The following MCTP1 variants were observed in gnomAD, a reference collection of about 807,000 sequenced individuals.
MCTP1 encodes the protein multiple C2 and transmembrane domain-containing protein 1.
Under a neutral mutation model 120.6 loss-of-function variants are expected in MCTP1, and 69 were observed. The observed-to-expected ratio is 0.57, with a 90% CI of 0.47 to 0.70. The LOEUF (loss-of-function observed/expected upper bound fraction) is 0.70, where lower values mean the gene tolerates loss of function less well. MCTP1 is among the 30% of genes least tolerant of loss of function. The probability of loss-of-function intolerance (pLI) is 0.00; values close to 1 mark genes in which losing one functional copy is unlikely to be tolerated. For synonymous variants in MCTP1, 529 were observed against 493.1 expected (o/e 1.07, Z -0.96); for missense variants, 1,203 against 1,248.8 (o/e 0.96, Z 0.55).
intron 12 of MCTP1, among the ~76,000 whole-genome samples, chr5:94,881,649 T>C (rs1173969556): frequency 2.0e-5 from 3 of 152,110 alleles, no homozygotes; most frequent in African/African-American, 7.2e-5. Context: ...AACTTCTCCA[T>C]GCCTCTTCAG....
At chr5:94,804,952 CA>C (rs1167803092) in intron 17 of MCTP1, among the ~76,000 whole-genome samples, 2 of 151,432 alleles carry the variant, frequency 1.3e-5, no homozygotes, top group Non-Finnish European at 2.9e-5. Flanking sequence ...ATAATTGAAA[CA>C]AAAAAAATCT....
intron 1 of MCTP1, among the ~76,000 whole-genome samples, chr5:95,039,642 T>A (rs4869227): frequency 0.6 from 91,407 of 151,968 alleles, 30,978 homozygotes; most frequent in Non-Finnish European, 0.77. Context: ...GAGAAAGGTG[T>A]CTCACAAGGG....
chr5:94,962,243 T>C (rs971616463), intron 2 of MCTP1, among the ~76,000 whole-genome samples: 1 of 152,036 alleles, frequency 6.6e-6, no homozygotes, highest in African/African-American at 2.4e-5. Flanking sequence ...TGGAGATTCC[T>C]TAAAGAACTA....
intron 1 of MCTP1, among the ~76,000 whole-genome samples, chr5:95,078,051 C>CATCCATCCATCT (rs1754066386): frequency 1.3e-5 from 1 of 76,594 alleles, no homozygotes; most frequent in African/African-American, 3.7e-5. Flanking sequence ...TCCATCCATC[C>CATCCATCCATCT]ATCCATCCAT....
At chr5:94,933,672 A>G (rs1472835539) in intron 5 of MCTP1, among the ~76,000 whole-genome samples, 1 of 151,904 alleles carries the variant, frequency 6.6e-6, no homozygotes, top group Non-Finnish European at 1.5e-5. Context: ...ATTTTATAAT[A>G]TAAAATTCCA....
intron 1 of MCTP1, among the ~76,000 whole-genome samples, chr5:95,139,409 T>C (rs548792365): frequency 6.6e-6 from 1 of 152,346 alleles, no homozygotes; most frequent in African/African-American, 2.4e-5. Flanking sequence ...ATCTAAACAT[T>C]GCACCATGTC....
chr5:95,134,463 A>T (rs1759284183), intron 1 of MCTP1, among the ~76,000 whole-genome samples: 1 of 152,186 alleles, frequency 6.6e-6, no homozygotes, highest in South Asian at 2.1e-4. Context: ...TGGGTTGGCA[A>T]TTTGGGGCGG....
chr5:95,031,684 C>A (rs1581934645), intron 1 of MCTP1, among the ~76,000 whole-genome samples: 1 of 152,082 alleles, frequency 6.6e-6, no homozygotes, highest in Non-Finnish European at 1.5e-5. Context: ...CATAAAAACA[C>A]AGTTAAGTAC....
intron 1 of MCTP1, among the ~76,000 whole-genome samples, chr5:95,041,817 T>C (rs1206029948): frequency 6.6e-6 from 1 of 152,240 alleles, no homozygotes; most frequent in African/African-American, 2.4e-5. Flanking sequence ...TAGCATATTT[T>C]AATTGTAAAA....
intron 1 of MCTP1, among the ~76,000 whole-genome samples, chr5:95,159,921 C>A (rs2152472359): frequency 6.6e-6 from 1 of 152,104 alleles, no homozygotes; most frequent in African/African-American, 2.4e-5. Flanking sequence ...AGTGGTAAAC[C>A]ATATGCAAAA....
intron 18 of MCTP1, among the ~76,000 whole-genome samples, chr5:94,797,395 T>C (rs746923577): frequency 2.6e-5 from 4 of 152,166 alleles, no homozygotes; most frequent in Admixed American, 6.6e-5. Flanking sequence ...AAAGTAGATA[T>C]TCTTCTCTCT....
intron 17 of MCTP1, among the ~76,000 whole-genome samples, chr5:94,861,966 C>T (rs1321338778): frequency 1.3e-5 from 2 of 151,708 alleles, no homozygotes; most frequent in Non-Finnish European, 2.9e-5. Context: ...TCCTCCACCA[C>T]GCCAACTTTT....
intron 5 of MCTP1, among the ~76,000 whole-genome samples, chr5:94,934,837 C>T (rs1206129726): frequency 6.8e-6 from 1 of 146,546 alleles, no homozygotes. Context: ...ATTTGTAGGT[C>T]TAGGTTATTT....
intron 1 of MCTP1, among the ~76,000 whole-genome samples, chr5:95,128,324 A>C (rs1758784696): frequency 6.6e-6 from 1 of 152,250 alleles, no homozygotes. Context: ...CCGAGCAATT[A>C]TATGTGCAAG....
intron 1 of MCTP1, among the ~76,000 whole-genome samples, chr5:95,021,910 T>A (rs1838264413): frequency 6.6e-6 from 1 of 152,194 alleles, no homozygotes; most frequent in African/African-American, 2.4e-5. Flanking sequence ...CTTAGGCTTT[T>A]TCTTCTCTTA....
At chr5:94,724,146 ATTT>A (rs1761588411) in intron 19 of MCTP1, among the ~76,000 whole-genome samples, 1 of 152,176 alleles carries the variant, frequency 6.6e-6, no homozygotes, top group Non-Finnish European at 1.5e-5. Context: ...TACATAAAAT[ATTT>A]TTTAATAAAT....
chr5:94,872,540 T>C (rs748528941), intron 13 of MCTP1, among the ~76,000 whole-genome samples: 1 of 152,060 alleles, frequency 6.6e-6, no homozygotes, highest in African/African-American at 2.4e-5. Context: ...TCAGAGTTCA[T>C]TTCAAAAGCC....
intron 7 of MCTP1, among the ~76,000 whole-genome samples, chr5:94,918,629 G>A (rs1389667966): frequency 6.6e-6 from 1 of 152,128 alleles, no homozygotes; most frequent in Non-Finnish European, 1.5e-5. Flanking sequence ...ATCATGGTGG[G>A]ACTGAAAGTT....
intron 1 of MCTP1, among the ~76,000 whole-genome samples, chr5:95,034,578 A>T (rs1581949386): frequency 6.6e-6 from 1 of 152,222 alleles, no homozygotes; most frequent in East Asian, 1.9e-4. Context: ...TTTATTCAAG[A>T]TGGATTAAAG....
Sources: allele counts gnomAD v4.1 joint callset (sites outside exome capture counted in the v4.1 genomes callset), GRCh38; gene constraint gnomAD v4.1.1; transcripts MANE v1.5; gene names NCBI Gene and HGNC (gene_info 2026-07-23, HGNC 2026-07-21).